SEPTIN7: variants seen among roughly 807,000 people sequenced by gnomAD.
The protein encoded by SEPTIN7 is septin 7, also known as septin-7.
Under a neutral mutation model 63.3 loss-of-function variants are expected in SEPTIN7, and 10 were observed. The ratio of observed to expected loss-of-function variants is 0.16; its 90% CI spans 0.10 to 0.27. SEPTIN7 has a LOEUF of 0.27. SEPTIN7 is among the 10% of genes least tolerant of loss of function. SEPTIN7 has a pLI of 1.00. For synonymous variants in SEPTIN7, 131 were observed against 165.3 expected (o/e 0.79, Z 1.59); for missense variants, 310 against 521.0 (o/e 0.59, Z 3.94).
At chr7:35,858,736 C>T (rs1019190237) in intron 3 of SEPTIN7, among the ~76,000 whole-genome samples, 9 of 143,356 alleles carry the variant, frequency 6.3e-5, no homozygotes, top group Non-Finnish European at 1.1e-4. Flanking sequence ...GCTGGAGTGC[C>T]AATGCACGAT....
At chr7:35,814,670 G>A (rs1032842163) in intron 1 of SEPTIN7, among the ~76,000 whole-genome samples, 3 of 151,990 alleles carry the variant, frequency 2.0e-5, no homozygotes, top group Admixed American at 1.3e-4. Flanking sequence ...TGTACATGAT[G>A]CTACATTTTA....
intron 4 of SEPTIN7, among the ~76,000 whole-genome samples, chr7:35,870,523 A>T (rs1337052834): frequency 6.6e-6 from 1 of 152,208 alleles, no homozygotes; most frequent in Non-Finnish European, 1.5e-5. Flanking sequence ...TGGTATGATT[A>T]CTTTGGATAT....
At chr7:35,802,564 T>C (rs1788063805) in intron 1 of SEPTIN7, among the ~76,000 whole-genome samples, 2 of 152,254 alleles carry the variant, frequency 1.3e-5, no homozygotes, top group African/African-American at 4.8e-5. Context: ...TTACTAAGCA[T>C]CTAACCTGTT....
intron 3 of SEPTIN7, among the ~76,000 whole-genome samples, chr7:35,845,228 A>G (rs1784600271): frequency 6.6e-6 from 1 of 152,048 alleles, no homozygotes; most frequent in Non-Finnish European, 1.5e-5. Flanking sequence ...AGTGTACTAC[A>G]TATATATATT....
chr7:35,861,470 C>T lies in SEPTIN7; in HGVS notation c.170-2082C>T, dbSNP rs141704502. On this transcript the variant is annotated intron_variant, in intron 3 of 13. Transcript: ENST00000350320. ...GCTGATTAGTTGAGCATGCCCTTAA[C>T]GTAGTGATCACCCTAAGGTGAAAGC... Among the ~76,000 whole-genome samples, 14 of 152,322 alleles carry T rather than the reference C, an allele frequency of 9.2e-5. No homozygotes were observed. The East Asian group carries it at 2.5e-3, about 27-fold the overall frequency.
At chr7:35,880,640 A>T (rs1229677742) in intron 7 of SEPTIN7, among the ~76,000 whole-genome samples, 1 of 151,430 alleles carries the variant, frequency 6.6e-6, no homozygotes, top group Non-Finnish European at 1.5e-5. Flanking sequence ...TTTTCACAAT[A>T]TTTTTTCTGT....
Position 35,879,943 on chromosome 7 carries a change from G to A in SEPTIN7, c.630+3G>A, listed in dbSNP as rs1416230747. 4 of 1,525,684 alleles carry A rather than the reference G, an allele frequency of 2.6e-6. No individual in the cohort carries two copies. The Admixed American group carries it at 7.3e-5, about 28-fold the overall frequency. 94.5% of individuals were successfully genotyped at this position (1,525,684 alleles called of 1,614,324 possible). ...AATGCCAACAGTTTAAAAAACAGGT[G>A]AGCAGGATGTGTTAACCCAGGTTTC... On this transcript the variant is annotated splice_donor_region_variant and intron_variant, in intron 7 of 13. Transcript: ENST00000350320.
chr7:35,816,220 T>A (rs760264820), intron 1 of SEPTIN7, among the ~76,000 whole-genome samples: 24 of 152,200 alleles, frequency 1.6e-4, no homozygotes, highest in Non-Finnish European at 2.9e-4. Flanking sequence ...TTGCAGCCAT[T>A]AATAATCAGT....
chr7:35,832,229 A>T (rs1783867528), intron 2 of SEPTIN7: 1 of 370,548 alleles, frequency 2.7e-6, no homozygotes. Flanking sequence ...ACAAAATTGG[A>T]CCTGGCATAA....
chr7:35,813,143 T>G (rs1219496414), intron 1 of SEPTIN7, among the ~76,000 whole-genome samples: 1 of 152,214 alleles, frequency 6.6e-6, no homozygotes, highest in Non-Finnish European at 1.5e-5. Flanking sequence ...ACAAATATCC[T>G]CATCAAGATG....
chr7:35,827,106 C>G (rs1783554789), intron 1 of SEPTIN7, among the ~76,000 whole-genome samples: 1 of 152,132 alleles, frequency 6.6e-6, no homozygotes, highest in Non-Finnish European at 1.5e-5. Context: ...TTTTAACATA[C>G]AGATTTAACA....
At chr7:35,915,256 C>CAT in the SEPTIN7 span, among the ~76,000 whole-genome samples, 2 of 148,834 alleles carry the variant, frequency 1.3e-5, no homozygotes, top group Non-Finnish European at 3.0e-5. Context: ...ATCGCTCATA[C>CAT]ACATATATAT....
intron 5 of SEPTIN7, among the ~76,000 whole-genome samples, chr7:35,872,970 T>C (rs1396994658): frequency 6.6e-6 from 1 of 152,152 alleles, no homozygotes; most frequent in Non-Finnish European, 1.5e-5. Flanking sequence ...TTCTATAAAA[T>C]GGAGATAATA....
At chr7:35,818,622 TG>T (rs904847727) in intron 1 of SEPTIN7, among the ~76,000 whole-genome samples, 32 of 152,080 alleles carry the variant, frequency 2.1e-4, no homozygotes, top group African/African-American at 7.2e-4. Context: ...TTGGGGTGTG[TG>T]TGTGTTAGTT....
intron 3 of SEPTIN7, among the ~76,000 whole-genome samples, chr7:35,842,940 A>G (rs528282146): frequency 7.9e-5 from 12 of 152,190 alleles, no homozygotes; most frequent in South Asian, 4.1e-4. Flanking sequence ...TTATATATAT[A>G]TGTGTGTGTG....
At chr7:35,804,848 T>C (rs528398592) in intron 1 of SEPTIN7, among the ~76,000 whole-genome samples, 25 of 150,204 alleles carry the variant, frequency 1.7e-4, no homozygotes, top group East Asian at 1.5e-3. Flanking sequence ...TTTTTTTTTT[T>C]TTTTTGAGAC....
chr7:35,883,117 C>G (rs1562574936), intron 8 of SEPTIN7, among the ~76,000 whole-genome samples: 1 of 151,644 alleles, frequency 6.6e-6, no homozygotes, highest in Non-Finnish European at 1.5e-5. Context: ...CTAATTCAAT[C>G]ATTACATATT....
chr7:35,863,700 T>C, intron 4 of SEPTIN7, 42 bp downstream of exon 4: 2 of 1,030,754 alleles, frequency 1.9e-6, no homozygotes, highest in Non-Finnish European at 2.8e-6. Flanking sequence ...TGGAATAATA[T>C]TAATACACAC....
intron 1 of SEPTIN7, among the ~76,000 whole-genome samples, chr7:35,815,351 A>G (rs142245386): frequency 1.3e-5 from 2 of 152,338 alleles, no homozygotes; most frequent in Non-Finnish European, 2.9e-5. Flanking sequence ...ATGAATTTAT[A>G]TATATACATC....
Sources: gnomAD v4.1 joint callset for allele counts (sites outside exome capture counted in the v4.1 genomes callset) on GRCh38, gnomAD v4.1.1 for gene constraint, MANE v1.5 for transcripts, NCBI Gene and HGNC (gene_info 2026-07-23, HGNC 2026-07-21) for gene names.